ZBTB37: variants seen among roughly 807,000 people sequenced by gnomAD.
ZBTB37 encodes zinc finger and BTB domain-containing protein 37.
A neutral mutation model predicts 37.7 loss-of-function variants in ZBTB37; 15 were observed. That is an observed-to-expected ratio of 0.40 (90% CI 0.27 to 0.61). The LOEUF (loss-of-function observed/expected upper bound fraction) is 0.61, where lower values mean the gene tolerates loss of function less well. ZBTB37 is among the 20% of genes least tolerant of loss of function. The pLI is 0.44. For synonymous variants in ZBTB37, 231 were observed against 220.6 expected (o/e 1.05, Z -0.42); for missense variants, 514 against 641.9 (o/e 0.80, Z 2.15).
chr1:173,869,302 T>C (rs530630990), intron 2 of ZBTB37, among the ~76,000 whole-genome samples, 182 bp downstream of exon 2: 2 of 152,356 alleles, frequency 1.3e-5, no homozygotes, highest in Admixed American at 1.3e-4. Flanking sequence ...AATGTCTTCC[T>C]GTTCGGATTT....
chr1:173,876,866 T>C (rs184182328), intron 4 of ZBTB37, among the ~76,000 whole-genome samples: 3 of 152,306 alleles, frequency 2.0e-5, no homozygotes, highest in Non-Finnish European at 4.4e-5. Flanking sequence ...TGAGAAATGC[T>C]AGACCATTTT....
exon 4 of ZBTB37, chr1:173,892,278 T>C (rs543139407): frequency 6.6e-6 from 1 of 152,332 alleles, no homozygotes; most frequent in South Asian, 2.1e-4. Flanking sequence ...AATTTAAATA[T>C]GCATCTATTG....
intron 4 of ZBTB37, among the ~76,000 whole-genome samples, chr1:173,883,499 T>C (rs865791688): frequency 6.6e-6 from 1 of 152,180 alleles, no homozygotes; most frequent in African/African-American, 2.4e-5. Flanking sequence ...ACTGTTATCA[T>C]GTTCAATTCT....
intron 4 of ZBTB37, among the ~76,000 whole-genome samples, chr1:173,874,281 A>G (rs543415187): frequency 1.4e-4 from 21 of 151,630 alleles, no homozygotes; most frequent in African/African-American, 4.3e-4. Context: ...AAAGAAATAC[A>G]AGGGAACTTT....
rs571016849 is a variant in ZBTB37, at chr1:173,885,467, T to A, written c.1024-169T>A. Among the ~76,000 whole-genome samples, 232 of 152,338 alleles carry A rather than the reference T, an allele frequency of 1.5e-3. 2 individuals are homozygous for A. The highest frequency in any genetic ancestry group is 5.2e-3 in the Admixed American group (79 of 15,306). On this transcript the variant is annotated intron_variant, in intron 4 of 4. Coordinates refer to ENST00000427304, the Ensembl canonical transcript of ZBTB37. ...ATGGAATAGAGTAGTCTCAATTTTT[T>A]AAAAATTATTATGGTAATATCTTTA...
At position 173,873,766 on chromosome 1, in the gene ZBTB37, A is replaced by G. The variant is rs1466001221; in HGVS notation, c.1023+200A>G. 10 of 808,094 alleles carry G rather than the reference A, an allele frequency of 1.2e-5. No individual in the cohort carries two copies. In the Admixed American group the frequency reaches 3.1e-4, roughly 25 times the overall value. The allele number at this position is 808,094 out of a possible 1,614,324, so 50.1% of individuals were successfully genotyped here. Reference sequence around the variant, plus strand: ...ACATCACCAGAAAGGAAAATTGCAGACTGGTATTTCTACCAAGCATAGATG... The same window carrying G: ...ACATCACCAGAAAGGAAAATTGCAGGCTGGTATTTCTACCAAGCATAGATG... On this transcript the variant is annotated intron_variant, in intron 4 of 4. Coordinates refer to ENST00000427304, the Ensembl canonical transcript of ZBTB37.
At chr1:173,894,441 C>T (rs1178717058) in exon 4 of ZBTB37, 2 of 152,140 alleles carry the variant, frequency 1.3e-5, no homozygotes, top group Non-Finnish European at 1.5e-5. Context: ...TCTTACATAC[C>T]TGACACTTTG....
At chr1:173,886,162 G>A in exon 5 of ZBTB37, 2 of 1,523,308 alleles carry the variant, frequency 1.3e-6, no homozygotes, top group Non-Finnish European at 1.8e-6. Flanking sequence ...CTTCCCCTAT[G>A]AGCCATAAGC....
intron 4 of ZBTB37, among the ~76,000 whole-genome samples, chr1:173,875,192 TAC>T (rs1371700421): frequency 6.6e-6 from 1 of 150,774 alleles, no homozygotes; most frequent in Non-Finnish European, 1.5e-5. Flanking sequence ...ATATGTAGTA[TAC>T]ACACACTATG....
chr1:173,879,880 G>C (rs1421694151), intron 4 of ZBTB37, among the ~76,000 whole-genome samples: 1 of 152,196 alleles, frequency 6.6e-6, no homozygotes, highest in African/African-American at 2.4e-5. Context: ...GAACCTGGGA[G>C]GCAGAGGTTG....
intron 4 of ZBTB37, among the ~76,000 whole-genome samples, chr1:173,880,954 CT>C (rs200355664): frequency 0.013 from 1,785 of 142,436 alleles, 29 homozygotes; most frequent in African/African-American, 0.039. Context: ...CTTTTTTTCT[CT>C]TTTTTTTTTT....
exon 4 of ZBTB37, chr1:173,892,089 G>A (rs1656864551): frequency 6.6e-6 from 1 of 152,098 alleles, no homozygotes; most frequent in Non-Finnish European, 1.5e-5. Context: ...GATCTCCCCT[G>A]GCTTAGAGCA....
intron 3 of ZBTB37, among the ~76,000 whole-genome samples, chr1:173,873,067 T>C (rs1031688442): frequency 6.6e-6 from 1 of 151,926 alleles, no homozygotes; most frequent in African/African-American, 2.4e-5. Context: ...CCATGATCTA[T>C]ATCAATAGTC....
At chr1:173,877,175 A>G (rs540040867) in intron 4 of ZBTB37, among the ~76,000 whole-genome samples, 4 of 152,292 alleles carry the variant, frequency 2.6e-5, no homozygotes, top group South Asian at 2.1e-4. Flanking sequence ...TATGTGGTAC[A>G]TAACTGTAAA....
Position 173,876,822 on chromosome 1 carries a change from A to C in ZBTB37, c.1023+3256A>C, listed in dbSNP as rs1050234563. On this transcript the variant is annotated intron_variant, in intron 4 of 4. Coordinates refer to ENST00000427304, the Ensembl canonical transcript of ZBTB37. ...CAATGCAGAGGAGGCTGTTGAGCAGATATAGGCGTGTGTCACTAATTGACA... is the reference window on the plus strand; with the variant it reads ...CAATGCAGAGGAGGCTGTTGAGCAGCTATAGGCGTGTGTCACTAATTGACA... Among the ~76,000 whole-genome samples the C allele has an allele frequency of 5.1e-4, 77 of 152,254 alleles. 1 individual carries two copies. Among genetic ancestry groups the C allele is most frequent in the African/African-American group, 1.8e-3 (74 of 41,536 alleles).
chr1:173,883,477 A>G (rs901894325), intron 4 of ZBTB37, among the ~76,000 whole-genome samples: 3 of 152,218 alleles, frequency 2.0e-5, no homozygotes, highest in African/African-American at 7.2e-5. Flanking sequence ...GTCTCAAAAA[A>G]AAGAAAAGTG....
At chr1:173,882,017 G>A (rs1288189392) in intron 4 of ZBTB37, among the ~76,000 whole-genome samples, 1 of 151,118 alleles carries the variant, frequency 6.6e-6, no homozygotes, top group Non-Finnish European at 1.5e-5. Flanking sequence ...TCACACCACC[G>A]CACTCCAGCC....
exon 4 of ZBTB37, chr1:173,897,948 T>TTC (rs1326928575): frequency 6.6e-6 from 1 of 152,194 alleles, no homozygotes; most frequent in African/African-American, 2.4e-5. Context: ...GTGCTTTTTT[T>TTC]TCTCTCTCTG....
chr1:173,871,222 C>G (rs1295180322), intron 3 of ZBTB37, 74 bp downstream of exon 3: 5 of 1,363,970 alleles, frequency 3.7e-6, no homozygotes, highest in Non-Finnish European at 3.9e-6. Context: ...CTCTGTAGTA[C>G]AGAGAGCATT....
Sources: allele counts gnomAD v4.1 joint callset (sites outside exome capture counted in the v4.1 genomes callset), GRCh38; gene constraint gnomAD v4.1.1; transcripts MANE v1.5; gene names NCBI Gene and HGNC (gene_info 2026-07-23, HGNC 2026-07-21).